Variants in SHANK2 observed in about 807,000 individuals in gnomAD.
SHANK2 encodes the protein SH3 and multiple ankyrin repeat domains 2, also known as SH3 and multiple ankyrin repeat domains protein 2.
A neutral mutation model predicts 133.7 loss-of-function variants in SHANK2; 43 were observed. The observed-to-expected ratio is 0.32, with a 90% CI of 0.25 to 0.41. SHANK2 has a LOEUF of 0.41. SHANK2 is among the 10% of genes least tolerant of loss of function. The pLI is 1.00. For synonymous variants in SHANK2, 1,017 were observed against 952.8 expected (o/e 1.07, Z -1.24); for missense variants, 1,994 against 2,235.8 (o/e 0.89, Z 2.18).
chr11:71,109,231 C>T (rs1418457171), intron 6 of SHANK2, among the ~76,000 whole-genome samples: 1 of 152,144 alleles, frequency 6.6e-6, no homozygotes, highest in Non-Finnish European at 1.5e-5. Context: ...TAGGACCTAA[C>T]CTCTGCCTGC....
intron 17 of SHANK2, among the ~76,000 whole-genome samples, chr11:70,519,615 C>A (rs564374912): frequency 4.4e-4 from 67 of 152,184 alleles, no homozygotes; most frequent in African/African-American, 1.4e-3. Context: ...CCATTGCACT[C>A]CAGCCTGGGC....
intron 14 of SHANK2, among the ~76,000 whole-genome samples, chr11:70,703,051 C>G (rs1378576439): frequency 1.3e-5 from 2 of 152,222 alleles, no homozygotes; most frequent in East Asian, 1.9e-4. Context: ...CCAAGGTGGC[C>G]TCTCAAGGTC....
At chr11:70,527,209 C>T (rs2059410176) in intron 17 of SHANK2, among the ~76,000 whole-genome samples, 1 of 152,194 alleles carries the variant, frequency 6.6e-6, no homozygotes, top group African/African-American at 2.4e-5. Context: ...TGCTCCTGAA[C>T]ATTCTGCCTG....
intron 6 of SHANK2, among the ~76,000 whole-genome samples, chr11:71,097,306 G>T (rs1555095642): frequency 6.6e-6 from 1 of 152,098 alleles, no homozygotes; most frequent in East Asian, 1.9e-4. Context: ...AGAAGATGCT[G>T]GTTGATGAGC....
At chr11:71,230,227 T>C (rs1003195487) in intron 1 of SHANK2, among the ~76,000 whole-genome samples, 8 of 151,532 alleles carry the variant, frequency 5.3e-5, no homozygotes, top group Admixed American at 3.3e-4. Flanking sequence ...GAAGCAGAGG[T>C]TGCAGTGAGT....
intron 9 of SHANK2, among the ~76,000 whole-genome samples, chr11:71,060,356 G>A (rs1170768100): frequency 3.9e-5 from 6 of 152,186 alleles, no homozygotes; most frequent in Admixed American, 1.3e-4. Context: ...GATATGAGTC[G>A]TGAAGAGCTG....
chr11:70,912,079 CAAAAAAAAAAAAAAAAAAAAAAA>C (rs536602235), intron 10 of SHANK2, among the ~76,000 whole-genome samples: 5 of 81,228 alleles, frequency 6.2e-5, no homozygotes, highest in South Asian at 5.9e-4. Flanking sequence ...GAGACTCTGT[CAAAAAAAAAAAAAAAAAAAAAAA>C]AAAAAAAAAA....
At chr11:71,116,932 C>T (rs1264412042) in intron 4 of SHANK2, among the ~76,000 whole-genome samples, 1 of 152,230 alleles carries the variant, frequency 6.6e-6, no homozygotes, top group Non-Finnish European at 1.5e-5. Context: ...GGCCTCAATG[C>T]TGAGCCCATG....
intron 17 of SHANK2, among the ~76,000 whole-genome samples, chr11:70,598,187 C>T (rs572583119): frequency 1.1e-4 from 17 of 152,254 alleles, no homozygotes; most frequent in Middle Eastern, 3.4e-3. Context: ...CAGCTGCAGG[C>T]GATGGGGCGG....
intron 10 of SHANK2, among the ~76,000 whole-genome samples, chr11:70,931,342 G>A (rs1373706874): frequency 6.6e-6 from 1 of 152,174 alleles, no homozygotes; most frequent in African/African-American, 2.4e-5. Context: ...CACGTTAGAC[G>A]GGTAAATTGT....
intron 17 of SHANK2, among the ~76,000 whole-genome samples, chr11:70,593,085 T>C (rs1168046998): frequency 6.6e-6 from 1 of 152,224 alleles, no homozygotes; most frequent in African/African-American, 2.4e-5. Flanking sequence ...GGGGAAGGCC[T>C]GTGGCTGCCC....
At chr11:70,774,326 GT>G (rs201907774) in intron 14 of SHANK2, among the ~76,000 whole-genome samples, 34 of 145,448 alleles carry the variant, frequency 2.3e-4, no homozygotes, top group African/African-American at 5.5e-4. Context: ...AGTGACTTTT[GT>G]TTTTTTTTTT....
At chr11:70,898,427 G>A (rs536850055) in intron 10 of SHANK2, among the ~76,000 whole-genome samples, 1 of 152,142 alleles carries the variant, frequency 6.6e-6, no homozygotes, top group Admixed American at 6.5e-5. Flanking sequence ...ATGATTACAG[G>A]CTGGAAGAGT....
intron 14 of SHANK2, among the ~76,000 whole-genome samples, chr11:70,771,750 G>A (rs1555042832): frequency 6.6e-6 from 1 of 152,134 alleles, no homozygotes; most frequent in African/African-American, 2.4e-5. Flanking sequence ...CCCCACTGTG[G>A]CCACACACGG....
At chr11:71,083,412 T>C (rs1234426914) in intron 8 of SHANK2, among the ~76,000 whole-genome samples, 3 of 152,266 alleles carry the variant, frequency 2.0e-5, no homozygotes, top group African/African-American at 4.8e-5. Context: ...AATTCTGTCA[T>C]AGCTGTCTCC....
intron 14 of SHANK2, among the ~76,000 whole-genome samples, chr11:70,797,390 G>A (rs977146529): frequency 6.6e-6 from 1 of 152,202 alleles, no homozygotes; most frequent in Non-Finnish European, 1.5e-5. Context: ...TGGTGTCTAA[G>A]CCTGAGCAGG....
chr11:70,500,454 G>A lies in SHANK2; in HGVS notation c.2308+116C>T, dbSNP rs996289930. Reference sequence around the variant, plus strand: ...GGGCTCCTCGGGCAGGACCCAGCAGGAGAAGCCAACAAGGCTTTGCGACAC... The same window carrying A: ...GGGCTCCTCGGGCAGGACCCAGCAGAAGAAGCCAACAAGGCTTTGCGACAC... On this transcript the variant is annotated intron_variant, in intron 21 of 25. Transcript: ENST00000601538. The surrounding 1 kb of genome is among the most constrained non-coding windows in gnomAD (Gnocchi z 4.5). 9 of 1,423,824 alleles carry A rather than the reference G, an allele frequency of 6.3e-6. No individual in the cohort carries two copies. The highest frequency in any genetic ancestry group is 7.8e-6 in the Non-Finnish European group (8 of 1,032,160). 88.2% of individuals were successfully genotyped at this position (1,423,824 alleles called of 1,614,324 possible). A position where few individuals can be genotyped will look rare whatever the true frequency, so the allele number is the denominator to read the frequency against.
chr11:70,693,448 T>A (rs1356116048), intron 15 of SHANK2, among the ~76,000 whole-genome samples: 1 of 152,160 alleles, frequency 6.6e-6, no homozygotes, highest in Non-Finnish European at 1.5e-5. Context: ...CCTCAATCTT[T>A]GTGTTTCAAC....
intron 10 of SHANK2, among the ~76,000 whole-genome samples, chr11:70,901,508 G>A (rs4980560): frequency 0.63 from 95,614 of 152,080 alleles, 35,074 homozygotes; most frequent in Non-Finnish European, 0.79. Context: ...GTGAAGAAAT[G>A]AGAACTCTGC....
Sources: gnomAD v4.1 joint callset for allele counts (sites outside exome capture counted in the v4.1 genomes callset) on GRCh38, gnomAD v4.1.1 for gene constraint, Gnocchi (gnomAD v3.1) non-coding constraint, MANE v1.5 for transcripts, NCBI Gene and HGNC (gene_info 2026-07-23, HGNC 2026-07-21) for gene names.